The following MGMT variants were observed in gnomAD, a reference collection of about 807,000 sequenced individuals.
MGMT encodes methylated-DNA--protein-cysteine methyltransferase.
In MGMT, 14 loss-of-function variants were observed where a neutral mutation model predicts 15.9. That is an observed-to-expected ratio of 0.88 (90% CI 0.58 to 1.37). MGMT has a LOEUF of 1.37. Among genes scored for constraint, MGMT ranks in the 40% most tolerant of loss-of-function variants. The probability of loss-of-function intolerance (pLI) is 0.00; values close to 1 mark genes in which losing one functional copy is unlikely to be tolerated. For missense variants in MGMT, 282 were observed against 268.1 expected (o/e 1.05, Z -0.36); for synonymous variants, 130 against 118.2 (o/e 1.10, Z -0.65).
At chr10:129,723,006 A>C (rs1351224770) in intron 3 of MGMT, among the ~76,000 whole-genome samples, 2 of 29,754 alleles carry the variant, frequency 6.7e-5, no homozygotes, top group South Asian at 1.5e-3. Flanking sequence ...ACTCTATCAC[A>C]AAAAAAAAAA....
At chr10:129,662,708 A>G (rs1847612802) in intron 2 of MGMT, among the ~76,000 whole-genome samples, 1 of 152,106 alleles carries the variant, frequency 6.6e-6, no homozygotes, top group Non-Finnish European at 1.5e-5. Context: ...AGTGATTCAC[A>G]AGGGAAGGGC....
intron 1 of MGMT, among the ~76,000 whole-genome samples, chr10:129,526,126 C>T (rs1396972093): frequency 1.3e-5 from 2 of 152,252 alleles, no homozygotes; most frequent in Non-Finnish European, 2.9e-5. Context: ...GGTGGGGTCT[C>T]AGCCGTGGCC....
rs150237111 is a variant in MGMT, at chr10:129,711,171, C to T, written c.274+3128C>T. 8.3e-3 allele frequency among the ~76,000 whole-genome samples: 1,270 copies of T among 152,318 alleles called. 6 individuals carry two copies. Among genetic ancestry groups the T allele is most frequent in the Non-Finnish European group, 0.013 (891 of 68,030 alleles). On this transcript the variant is annotated intron_variant, in intron 3 of 4. Coordinates refer to ENST00000651593, the MANE Select transcript of MGMT (RefSeq NM_002412.5). ...GCACACGGCCTCTTCGCGGTACCAC[C>T]TCACCTTCCAGGATTCCTCTCTGGA...
intron 1 of MGMT, among the ~76,000 whole-genome samples, chr10:129,504,373 A>G (rs1337770626): frequency 6.6e-6 from 1 of 152,224 alleles, no homozygotes; most frequent in Admixed American, 6.5e-5. Context: ...GTTACAGGAT[A>G]GTTGTGTTCT....
chr10:129,520,578 G>A lies in MGMT; in HGVS notation c.-12-15663G>A, dbSNP rs545074287. Among the ~76,000 whole-genome samples the A allele has an allele frequency of 8.0e-5, 12 of 149,402 alleles. No homozygotes were observed. The East Asian group carries it at 1.8e-3, about 22-fold the overall frequency. On this transcript the variant is annotated intron_variant, in intron 1 of 4. Transcript: ENST00000651593. ...TGCAGGTGCAGAGCCTCTATGGTGC[G>A]GTGCAGAGCCCCTATGGTATGCTTT...
chr10:129,654,356 G>A (rs908579802), intron 2 of MGMT, among the ~76,000 whole-genome samples: 7 of 152,124 alleles, frequency 4.6e-5, no homozygotes, highest in Non-Finnish European at 8.8e-5. Context: ...ACCTGCACGC[G>A]GGGTCGGGCA....
At chr10:129,562,294 C>T (rs142331010) in intron 2 of MGMT, among the ~76,000 whole-genome samples, 26 of 152,308 alleles carry the variant, frequency 1.7e-4, no homozygotes, top group Middle Eastern at 6.8e-3. Context: ...GGACGCCATT[C>T]GAACCTGGCC....
intron 2 of MGMT, among the ~76,000 whole-genome samples, chr10:129,656,942 C>G (rs1847530930): frequency 6.6e-6 from 1 of 151,992 alleles, no homozygotes; most frequent in South Asian, 2.1e-4. Context: ...TCTCGGGCTT[C>G]TTAACCCAAA....
chr10:129,758,839 C>T (rs757967292), intron 3 of MGMT, among the ~76,000 whole-genome samples: 2 of 152,154 alleles, frequency 1.3e-5, no homozygotes, highest in Non-Finnish European at 2.9e-5. Context: ...TCCAAGCAGG[C>T]GGGCAGGCAG....
intron 1 of MGMT, among the ~76,000 whole-genome samples, chr10:129,518,779 A>G (rs1448096905): frequency 6.6e-6 from 1 of 151,462 alleles, no homozygotes; most frequent in Non-Finnish European, 1.5e-5. Flanking sequence ...TAAGACTTCC[A>G]TTCAACAGTA....
intron 3 of MGMT, among the ~76,000 whole-genome samples, chr10:129,719,755 A>C (rs563206380): frequency 2.1e-4 from 32 of 152,334 alleles, no homozygotes; most frequent in African/African-American, 7.5e-4. Flanking sequence ...TCAGGGCTGC[A>C]ACATACGAAT....
At chr10:129,643,004 G>A (rs911509985) in intron 2 of MGMT, among the ~76,000 whole-genome samples, 1 of 152,214 alleles carries the variant, frequency 6.6e-6, no homozygotes, top group Non-Finnish European at 1.5e-5. Context: ...CCCATGTAGA[G>A]AAGGCTGGGC....
chr10:129,522,784 C>T (rs1239236605), intron 1 of MGMT, among the ~76,000 whole-genome samples: 2 of 152,228 alleles, frequency 1.3e-5, no homozygotes, highest in Non-Finnish European at 2.9e-5. Flanking sequence ...TTCCCCTCAG[C>T]CAGTGGACGA....
intron 2 of MGMT, among the ~76,000 whole-genome samples, chr10:129,577,221 T>C (rs1390491482): frequency 1.3e-5 from 2 of 152,210 alleles, no homozygotes; most frequent in Non-Finnish European, 2.9e-5. Context: ...AGAGCCCACA[T>C]TGCCAAGTCA....
intron 2 of MGMT, among the ~76,000 whole-genome samples, chr10:129,580,066 C>T (rs936122031): frequency 1.4e-4 from 21 of 152,240 alleles, no homozygotes; most frequent in African/African-American, 3.6e-4. Context: ...TTGTTCGACC[C>T]GGGTGGGAGG....
intron 2 of MGMT, among the ~76,000 whole-genome samples, chr10:129,675,150 G>A (rs910072071): frequency 6.6e-6 from 1 of 152,214 alleles, no homozygotes; most frequent in Non-Finnish European, 1.5e-5. Flanking sequence ...GCAGGACAGA[G>A]GACCCAGCTG....
At chr10:129,555,289 C>G (rs1209978957) in intron 2 of MGMT, among the ~76,000 whole-genome samples, 1 of 152,236 alleles carries the variant, frequency 6.6e-6, no homozygotes, top group East Asian at 1.9e-4. Context: ...TGAGCCCGCT[C>G]TGCCCGAGCG....
intron 2 of MGMT, among the ~76,000 whole-genome samples, chr10:129,609,062 C>T (rs1846928013): frequency 6.6e-6 from 1 of 152,220 alleles, no homozygotes; most frequent in Admixed American, 6.5e-5. Flanking sequence ...TGGGCCTCTC[C>T]TGGGCAGGTC....
At chr10:129,527,064 G>A (rs1290876949) in intron 1 of MGMT, among the ~76,000 whole-genome samples, 1 of 152,244 alleles carries the variant, frequency 6.6e-6, no homozygotes, top group Non-Finnish European at 1.5e-5. Flanking sequence ...CTACCAGCCT[G>A]TGGGGCCGTG....
Sources: allele counts gnomAD v4.1 joint callset (sites outside exome capture counted in the v4.1 genomes callset), GRCh38; gene constraint gnomAD v4.1.1; transcripts MANE v1.5; gene names NCBI Gene and HGNC (gene_info 2026-07-23, HGNC 2026-07-21).